The following FBXO15 variants were observed in gnomAD, a reference collection of about 807,000 sequenced individuals.
The protein encoded by FBXO15 is F-box only protein 15.
Under a neutral mutation model 49.5 loss-of-function variants are expected in FBXO15, and 30 were observed. The ratio of observed to expected loss-of-function variants is 0.61; its 90% confidence interval spans 0.45 to 0.82. The LOEUF (loss-of-function observed/expected upper bound fraction) is 0.82. Among genes scored for constraint, FBXO15 ranks in the 40% least tolerant of loss-of-function variants. FBXO15 has a pLI of 0.00. For synonymous variants in FBXO15, 250 were observed against 232.7 expected (o/e 1.07, Z -0.68); for missense variants, 591 against 631.5 (o/e 0.94, Z 0.69).
intron 8 of FBXO15, among the ~76,000 whole-genome samples, chr18:74,087,867 T>G (rs1912818803): frequency 6.6e-6 from 1 of 152,156 alleles, no homozygotes; most frequent in Non-Finnish European, 1.5e-5. Context: ...CACAACCTTG[T>G]GAGCCTGTGT....
At chr18:74,126,180 T>C (rs765324920) in intron 5 of FBXO15, 79 bp from the exon 6 acceptor site, 71 of 1,563,748 alleles carry the variant, frequency 4.5e-5, no homozygotes, top group Middle Eastern at 3.8e-4. Flanking sequence ...CTTTAGTGTA[T>C]CACAAATGTG....
intron 8 of FBXO15, among the ~76,000 whole-genome samples, chr18:74,096,342 C>T (rs1290098923): frequency 1.3e-5 from 2 of 152,022 alleles, no homozygotes; most frequent in Non-Finnish European, 2.9e-5. Flanking sequence ...TTCCTGGGCA[C>T]AAACCCCTAG....
At chr18:74,084,618 A>C (rs1912659462) in intron 8 of FBXO15, among the ~76,000 whole-genome samples, 1 of 152,214 alleles carries the variant, frequency 6.6e-6, no homozygotes, top group Non-Finnish European at 1.5e-5. Context: ...CATTCAGAAT[A>C]AACTCTGTTC....
At position 74,124,479 on chromosome 18, in the gene FBXO15, AAATACATAC is replaced by A. The variant is rs756548053; in HGVS notation, c.995+1_995+9del. The A allele has an allele frequency of 6.2e-7, 1 of 1,610,942 alleles. No homozygotes were observed. Among genetic ancestry groups the A allele is most frequent in the South Asian group, 1.1e-5 (1 of 90,768 alleles). ...ACAAAAATTCAACACACCCACATAT[AAATACATAC>A]ATAGTAGCCGAGCCTAATGTGCTCC... On this transcript the variant is annotated splice_donor_variant and splice_donor_5th_base_variant and intron_variant, in intron 7 of 9. Transcript: ENST00000419743. LOFTEE classifies it high-confidence loss of function.
chr18:74,135,809 C>G lies in FBXO15; in HGVS notation c.285G>C (p.Leu95=). ...AGCGCCTGCTCACACATCCAGTACACAGAAGGCTCACAGCATCCAAGTAGG... is the reference window on the plus strand; with the variant it reads ...AGCGCCTGCTCACACATCCAGTACAGAGAAGGCTCACAGCATCCAAGTAGG... ...IFSYLDAVSL[L]CTGCVSRRFY... The change falls in exon 3 of 10, where the codon CTG becomes CTC. Residue 95 remains leucine (L), a synonymous_variant. Coordinates refer to ENST00000419743, the MANE Select transcript of FBXO15 (RefSeq NM_001142958.2). 6.2e-7 allele frequency: 1 copy of G among 1,612,780 alleles called. No individual in the cohort carries two copies. The highest frequency in any genetic ancestry group is 8.5e-7 in the Non-Finnish European group (1 of 1,179,736).
At chr18:74,101,628 T>C (rs1913524255) in intron 8 of FBXO15, among the ~76,000 whole-genome samples, 1 of 151,930 alleles carries the variant, frequency 6.6e-6, no homozygotes, top group Admixed American at 6.6e-5. Flanking sequence ...AAAATTCATA[T>C]GGAAACAAAA....
intron 3 of FBXO15, among the ~76,000 whole-genome samples, chr18:74,132,542 C>T (rs184638238): frequency 8.4e-4 from 128 of 152,232 alleles, no homozygotes; most frequent in Non-Finnish European, 1.3e-3. Flanking sequence ...TATTACTTAC[C>T]GTAAGTGAAC....
chr18:74,146,677 C>G (rs2145240339), intron 1 of FBXO15, among the ~76,000 whole-genome samples: 1 of 152,248 alleles, frequency 6.6e-6, no homozygotes, highest in Non-Finnish European at 1.5e-5. Flanking sequence ...CAATTAAGAA[C>G]TATTATCACA....
chr18:74,134,366 A>ATTT (rs34748425), intron 3 of FBXO15, among the ~76,000 whole-genome samples: 62 of 119,250 alleles, frequency 5.2e-4, no homozygotes, highest in East Asian at 7.9e-4. Flanking sequence ...GACCTGGAGA[A>ATTT]TTTTTTTTTT....
chr18:74,112,702 G>A (rs571852946), intron 8 of FBXO15, among the ~76,000 whole-genome samples: 40 of 152,262 alleles, frequency 2.6e-4, no homozygotes, highest in African/African-American at 9.6e-4. Context: ...ATCCTGATTG[G>A]GAAGGAAGAA....
intron 8 of FBXO15, among the ~76,000 whole-genome samples, chr18:74,122,260 T>C (rs1380850797): frequency 1.3e-5 from 2 of 152,206 alleles, no homozygotes; most frequent in Non-Finnish European, 2.9e-5. Flanking sequence ...TCCTTATCAG[T>C]GGGCCAGCCA....
chr18:74,130,930 C>A lies in FBXO15; in HGVS notation c.333-272G>T. ...TGAGTAATCTCACGTTATTTAGGAT[C>A]ATCCAAACGACTGCCCTCTTATACC... On this transcript the variant is annotated intron_variant, in intron 3 of 9. Transcript: ENST00000419743. 1.6e-5 allele frequency: 5 copies of A among 309,208 alleles called. No individual in the cohort carries two copies. The East Asian group carries it at 2.2e-4, about 13-fold the overall frequency. 19.2% of individuals were successfully genotyped at this position (309,208 alleles called of 1,614,324 possible).
chr18:74,129,320 CTTAT>C, intron 5 of FBXO15, 81 bp downstream of exon 5: 15 of 1,216,332 alleles, frequency 1.2e-5, no homozygotes, highest in Non-Finnish European at 1.7e-5. Context: ...AAACGCTGCT[CTTAT>C]TTTTTAATTA....
In FBXO15 at chr18:74,075,054, A is replaced by G. The variant is rs998004142; in HGVS notation, c.1264-1324T>C. ...ATCTGTCTGGACCTGAGCACCAAGC[A>G]CAGCGGGAGGGCTGCACGCAGAGCT... On this transcript the variant is annotated intron_variant, in intron 9 of 9. Coordinates refer to ENST00000419743, the MANE Select transcript of FBXO15 (RefSeq NM_001142958.2). The surrounding 1 kb of genome is among the most constrained non-coding windows in gnomAD (Gnocchi z 4.1). 6.6e-6 allele frequency among the ~76,000 whole-genome samples: 1 copy of G among 152,168 alleles called. No homozygotes were observed. The highest frequency in any genetic ancestry group is 1.5e-5 in the Non-Finnish European group (1 of 68,014).
At chr18:74,146,040 T>C (rs1979391967) in intron 1 of FBXO15, among the ~76,000 whole-genome samples, 1 of 152,220 alleles carries the variant, frequency 6.6e-6, no homozygotes, top group Admixed American at 6.5e-5. Flanking sequence ...GAAAACACTT[T>C]TTTTCAAGTG....
At position 74,075,133 on chromosome 18, in the gene FBXO15, TGG is replaced by T. The variant is rs1439820922; in HGVS notation, c.1264-1405_1264-1404del. ...TCAGCTCGGCCTGACGGTCCCACCC[TGG>T]CTCTCTGGGTGGCTCCCTCTCCGCC... On this transcript the variant is annotated intron_variant, in intron 9 of 9. Transcript: ENST00000419743. The surrounding 1 kb of genome is among the most constrained non-coding windows in gnomAD (Gnocchi z 4.1). Among the ~76,000 whole-genome samples, 1 of 152,184 alleles carries T rather than the reference TGG, an allele frequency of 6.6e-6. No individual in the cohort carries two copies. Among genetic ancestry groups the T allele is most frequent in the East Asian group, 1.9e-4 (1 of 5,188 alleles).
intron 7 of FBXO15, among the ~76,000 whole-genome samples, chr18:74,124,012 A>T (rs1568174283): frequency 6.6e-6 from 1 of 151,940 alleles, no homozygotes. Context: ...AAAATGAGTA[A>T]GGGAGTCTAA....
chr18:74,094,469 A>G (rs1353464004), intron 8 of FBXO15, among the ~76,000 whole-genome samples: 4 of 152,192 alleles, frequency 2.6e-5, no homozygotes, highest in Non-Finnish European at 5.9e-5. Context: ...TATCCTGTAC[A>G]GCCTACAGAA....
At position 74,129,687 on chromosome 18, in the gene FBXO15, A is replaced by G. The variant is rs1414047378; in HGVS notation, c.576-73T>C. ...AAAAATGCTAAAGGCAATTTCATGT[A>G]TCTTCTCTAAAGCATCTAGTTCCTT... On this transcript the variant is annotated intron_variant, in intron 4 of 9. Coordinates refer to ENST00000419743, the MANE Select transcript of FBXO15 (RefSeq NM_001142958.2). The G allele has an allele frequency of 1.4e-5, 17 of 1,257,196 alleles. No individual in the cohort carries two copies. In the Admixed American group the frequency reaches 3.7e-4, roughly 28 times the overall value. The allele number at this position is 1,257,196 out of a possible 1,614,324, so 77.9% of individuals were successfully genotyped here.
Sources: allele counts gnomAD v4.1 joint callset (sites outside exome capture counted in the v4.1 genomes callset), GRCh38; gene constraint gnomAD v4.1.1; non-coding constraint Gnocchi (gnomAD v3.1); transcripts MANE v1.5; gene names NCBI Gene and HGNC (gene_info 2026-07-23, HGNC 2026-07-21).